NHERF4: variants seen among roughly 807,000 people sequenced by gnomAD.
The protein encoded by NHERF4 is NHERF family PDZ scaffold protein 4, also known as Na(+)/H(+) exchange regulatory cofactor NHE-RF4.
chr11:119,185,741 G>A, the NHERF4 span: 1 of 845,058 alleles, frequency 1.2e-6, no homozygotes, highest in Non-Finnish European at 2.0e-6. Flanking sequence ...AGAAAGGGAG[G>A]GGACCGCACA....
At chr11:119,186,493 G>A in the NHERF4 span, 13 of 1,613,996 alleles carry the variant, frequency 8.1e-6, no homozygotes, top group Admixed American at 8.3e-5. The surrounding 1 kb of genome is among the most constrained non-coding windows in gnomAD (Gnocchi z 4.4). Flanking sequence ...CTGGAGCCTG[G>A]AGCGGCCTCG....
chr11:119,186,815 C>T, the NHERF4 span: 1 of 994,442 alleles, frequency 1.0e-6, no homozygotes, highest in Non-Finnish European at 1.4e-6. This position sits in a 1 kb window ranked among gnomAD's most constrained non-coding sequence, Gnocchi z 4.4. Flanking sequence ...TTAGAAGTGC[C>T]CAAGTCAGAG....
the NHERF4 span, chr11:119,189,543 T>C: frequency 6.3e-7 from 1 of 1,594,390 alleles, no homozygotes; most frequent in Admixed American, 1.7e-5. The surrounding 1 kb of genome is among the most constrained non-coding windows in gnomAD (Gnocchi z 5.8). Flanking sequence ...GTCTTCACTC[T>C]CCAGCCTGAG....
At chr11:119,189,776 C>A in the NHERF4 span, 1 of 530,574 alleles carries the variant, frequency 1.9e-6, no homozygotes, top group East Asian at 3.4e-5. This position sits in a 1 kb window ranked among gnomAD's most constrained non-coding sequence, Gnocchi z 5.8. Context: ...GGCTGTGGGT[C>A]TGGCTAGGAT....
the NHERF4 span, chr11:119,188,149 G>A: frequency 6.5e-7 from 1 of 1,534,320 alleles, no homozygotes; most frequent in South Asian, 1.2e-5. Flanking sequence ...GCCCTGGTGA[G>A]TGGGAGCCCT....
chr11:119,189,059 C>T, the NHERF4 span: 8 of 1,614,004 alleles, frequency 5.0e-6, no homozygotes, highest in Non-Finnish European at 6.8e-6. The surrounding 1 kb of genome is among the most constrained non-coding windows in gnomAD (Gnocchi z 5.8). Context: ...AGACGTGATT[C>T]TGGAAGTGAA....
At chr11:119,185,560 G>A in the NHERF4 span, 1 of 1,572,894 alleles carries the variant, frequency 6.4e-7, no homozygotes, top group South Asian at 1.1e-5. Context: ...ACAGGCAGGG[G>A]GCCGACTTGG....
the NHERF4 span, chr11:119,188,069 T>C: frequency 5.2e-6 from 8 of 1,551,770 alleles, no homozygotes; most frequent in Non-Finnish European, 7.0e-6. Flanking sequence ...CAAGCCCCGC[T>C]GCCTGCACCT....
the NHERF4 span, chr11:119,185,922 T>C: frequency 9.3e-6 from 15 of 1,614,064 alleles, no homozygotes; most frequent in Non-Finnish European, 1.3e-5. Flanking sequence ...CTTTGCCCAG[T>C]AGATCTGCAG....
the NHERF4 span, chr11:119,186,412 CACGGCGA>C: frequency 1.3e-6 from 2 of 1,587,542 alleles, no homozygotes; most frequent in Non-Finnish European, 1.7e-6. The surrounding 1 kb of genome is among the most constrained non-coding windows in gnomAD (Gnocchi z 4.4). Flanking sequence ...CTGCCAGGCA[CACGGCGA>C]ACCTGTACTT....
At chr11:119,188,095 G>C in the NHERF4 span, 1 of 1,550,136 alleles carries the variant, frequency 6.5e-7, no homozygotes, top group East Asian at 2.4e-5. Context: ...AAGGGCCCCA[G>C]GGTTTTGGGT....
the NHERF4 span, chr11:119,185,496 T>G: frequency 3.1e-6 from 5 of 1,613,894 alleles, no homozygotes; most frequent in Non-Finnish European, 4.2e-6. Flanking sequence ...GATCCAGCTA[T>G]GGAGAAAGCC....
chr11:119,186,345 C>T, the NHERF4 span: 1 of 1,552,830 alleles, frequency 6.4e-7, no homozygotes, highest in East Asian at 2.3e-5. The surrounding 1 kb of genome is among the most constrained non-coding windows in gnomAD (Gnocchi z 4.4). Context: ...CCACGAACCC[C>T]ACCACCCAAC....
At chr11:119,188,284 G>A in the NHERF4 span, 5 of 1,593,246 alleles carry the variant, frequency 3.1e-6, no homozygotes, top group Non-Finnish European at 3.4e-6. Context: ...TCACTCTGGG[G>A]TCAGTCCCCT....
chr11:119,190,095 C>A, the NHERF4 span: 1 of 544,786 alleles, frequency 1.8e-6, no homozygotes, highest in Non-Finnish European at 3.1e-6. This position sits in a 1 kb window ranked among gnomAD's most constrained non-coding sequence, Gnocchi z 4.2. Flanking sequence ...ATCACTGAAT[C>A]TCAGGGATAA....
chr11:119,189,283 G>C, the NHERF4 span: 1 of 1,519,738 alleles, frequency 6.6e-7, no homozygotes, highest in Non-Finnish European at 9.0e-7. This position sits in a 1 kb window ranked among gnomAD's most constrained non-coding sequence, Gnocchi z 5.8. Flanking sequence ...CAGAGTGGGC[G>C]AGGTACAAGG....
chr11:119,186,478 G>T, the NHERF4 span: 4 of 1,613,930 alleles, frequency 2.5e-6, no homozygotes, highest in African/African-American at 5.3e-5. This position sits in a 1 kb window ranked among gnomAD's most constrained non-coding sequence, Gnocchi z 4.4. Flanking sequence ...TCACCCTCCA[G>T]ATCCCTGGAG....
the NHERF4 span, chr11:119,187,175 C>T: frequency 3.0e-5 from 30 of 1,013,082 alleles, no homozygotes; most frequent in Non-Finnish European, 3.8e-5. Context: ...GAAAAAAAGC[C>T]GATTCCCTTG....
the NHERF4 span, chr11:119,186,155 C>T: frequency 5.5e-5 from 88 of 1,614,028 alleles, no homozygotes; most frequent in African/African-American, 1.6e-4. The surrounding 1 kb of genome is among the most constrained non-coding windows in gnomAD (Gnocchi z 4.4). Flanking sequence ...CCGAAGACCA[C>T]GACCCCTATG....
Sources: gnomAD v4.1 joint callset for allele counts on GRCh38, gnomAD v4.1.1 for gene constraint, Gnocchi (gnomAD v3.1) non-coding constraint, MANE v1.5 for transcripts, NCBI Gene and HGNC (gene_info 2026-07-23, HGNC 2026-07-21) for gene names.